FAF2: variants seen among roughly 807,000 people sequenced by gnomAD.
FAF2 encodes the protein FAS-associated factor 2.
In FAF2, 9 loss-of-function variants were observed where a neutral mutation model predicts 62.3. The ratio of observed to expected loss-of-function variants is 0.14; its 90% confidence interval spans 0.09 to 0.25. FAF2 has a LOEUF of 0.25. Among genes scored for constraint, FAF2 ranks in the 10% least tolerant of loss-of-function variants. FAF2 has a pLI of 1.00. For synonymous variants in FAF2, 202 were observed against 198.0 expected (o/e 1.02, Z -0.17); for missense variants, 368 against 556.2 (o/e 0.66, Z 3.40).
In FAF2 at chr5:176,461,768, T is replaced by C. The variant is rs114213997; in HGVS notation, c.63+13298T>C. On this transcript the variant is annotated intron_variant, in intron 1 of 10. Coordinates refer to ENST00000261942, the MANE Select transcript of FAF2 (RefSeq NM_014613.3). ...CCATTTTGTCTGTTTACTCTGTTGA[T>C]AGTTTCTTTTACTGTGTAGAAGCTC... is the stretch of plus-strand genomic sequence containing the variant. Among the ~76,000 whole-genome samples the C allele has an allele frequency of 9.7e-3, 1,482 of 152,276 alleles. 13 individuals are homozygous for C. The highest frequency in any genetic ancestry group is 0.015 in the Non-Finnish European group (1,008 of 68,026).
chr5:176,467,162 G>C (rs1321296799), intron 1 of FAF2, among the ~76,000 whole-genome samples: 1 of 72,478 alleles, frequency 1.4e-5, no homozygotes, highest in Non-Finnish European at 2.5e-5. Context: ...TTGGTCACTT[G>C]TCTGTCCCAG....
intron 1 of FAF2, among the ~76,000 whole-genome samples, chr5:176,459,199 A>T (rs1261752107): frequency 6.7e-6 from 1 of 149,558 alleles, no homozygotes; most frequent in Non-Finnish European, 1.5e-5. Flanking sequence ...TTCCAACAGC[A>T]TTAAGTATCC....
chr5:176,492,454 C>T (rs574102227), intron 5 of FAF2, 122 bp downstream of exon 5: 3 of 1,064,846 alleles, frequency 2.8e-6, no homozygotes, highest in East Asian at 5.7e-5. Flanking sequence ...CTCTTCACTG[C>T]TTATAGGGGT....
At chr5:176,483,783 T>C (rs1308936841) in intron 2 of FAF2, among the ~76,000 whole-genome samples, 4 of 152,182 alleles carry the variant, frequency 2.6e-5, no homozygotes, top group African/African-American at 4.8e-5. Flanking sequence ...AAGAGACAAA[T>C]AGGGCAGAGT....
At chr5:176,463,762 C>T (rs1758420776) in intron 1 of FAF2, among the ~76,000 whole-genome samples, 3 of 139,300 alleles carry the variant, frequency 2.2e-5, no homozygotes, top group African/African-American at 8.1e-5. Context: ...CAGAGTCTTG[C>T]TGTGTTTCCC....
At chr5:176,501,261 T>A (rs562025491) in intron 10 of FAF2, among the ~76,000 whole-genome samples, 1 of 152,248 alleles carries the variant, frequency 6.6e-6, no homozygotes, top group Admixed American at 6.5e-5. Flanking sequence ...CAAAAGAAAA[T>A]TTATTTAAAC....
In FAF2 at chr5:176,460,666, T is replaced by A. The variant is rs140048964; in HGVS notation, c.63+12196T>A. On this transcript the variant is annotated intron_variant, in intron 1 of 10. Transcript: ENST00000261942. ...CCCTGTAAATGTCTTTTGAGAAGTG[T>A]CTGAGGCGGGTGTGATGGCTCACGC... is the stretch of plus-strand genomic sequence containing the variant. 1.4e-3 allele frequency among the ~76,000 whole-genome samples: 212 copies of A among 152,044 alleles called. 1 individual carries two copies. Among genetic ancestry groups the A allele is most frequent in the Middle Eastern group, 6.8e-3 (2 of 294 alleles).
chr5:176,497,732 C>G lies in FAF2; in HGVS notation c.839+1069C>G, dbSNP rs188366027. Among the ~76,000 whole-genome samples the G allele has an allele frequency of 8.4e-4, 128 of 152,236 alleles. 1 individual carries two copies. Among genetic ancestry groups the G allele is most frequent in the East Asian group, 1.9e-4 (1 of 5,188 alleles). On this transcript the variant is annotated intron_variant, in intron 8 of 10. Transcript: ENST00000261942. ...AAGTGCAGTTTCTGGGTGAGACAAT[C>G]AATATAAGTATATTTTAAGGCTCTT...
At chr5:176,475,747 G>C (rs1475249139) in intron 1 of FAF2, among the ~76,000 whole-genome samples, 3 of 151,242 alleles carry the variant, frequency 2.0e-5, no homozygotes, top group Non-Finnish European at 4.4e-5. Flanking sequence ...CAGCCTGGGG[G>C]ACAAGAGCGA....
intron 10 of FAF2, 143 bp from the exon 11 acceptor site, chr5:176,506,625 G>C: frequency 1.5e-6 from 1 of 654,164 alleles, no homozygotes; most frequent in East Asian, 2.7e-5. Context: ...TAGAATTCCA[G>C]TGTAATGTGA....
intron 1 of FAF2, among the ~76,000 whole-genome samples, chr5:176,455,661 A>G (rs1459345752): frequency 6.6e-6 from 1 of 151,844 alleles, no homozygotes; most frequent in African/African-American, 2.4e-5. Context: ...AGGCAGGAGA[A>G]TTGCTTGAAC....
At chr5:176,459,537 G>A (rs1381461024) in intron 1 of FAF2, among the ~76,000 whole-genome samples, 1 of 151,966 alleles carries the variant, frequency 6.6e-6, no homozygotes, top group African/African-American at 2.4e-5. Flanking sequence ...TTGTTTGTTT[G>A]TTTTTTGAGC....
At chr5:176,453,846 G>A (rs746626599) in intron 1 of FAF2, 3 of 151,358 alleles carry the variant, frequency 2.0e-5, no homozygotes, top group African/African-American at 7.3e-5. Context: ...ACGAGGTCAG[G>A]AGTTCAAGAC....
Position 176,499,573 on chromosome 5 carries a change from C to T in FAF2, c.1012-430C>T, listed in dbSNP as rs189937437. 2.3e-3 allele frequency among the ~76,000 whole-genome samples: 342 copies of T among 151,424 alleles called. 1 individual carries two copies. Among genetic ancestry groups the T allele is most frequent in the African/African-American group, 7.7e-3 (317 of 41,368 alleles). The stretch of plus-strand genomic sequence containing the variant: ...ATTATCTTATTTGATTATGTATTAC[C>T]GCTTACCTATAACCAGTGTCTTTTA... On this transcript the variant is annotated intron_variant, in intron 9 of 10. Transcript: ENST00000261942.
intron 2 of FAF2, among the ~76,000 whole-genome samples, chr5:176,484,242 G>A (rs1024380617): frequency 5.9e-5 from 9 of 152,102 alleles, no homozygotes; most frequent in Non-Finnish European, 1.2e-4. Context: ...CACATTCTGT[G>A]GTTTCAGTTA....
At chr5:176,479,610 A>G (rs1049612442) in intron 2 of FAF2, among the ~76,000 whole-genome samples, 22 of 151,612 alleles carry the variant, frequency 1.5e-4, no homozygotes, top group African/African-American at 5.3e-4. Flanking sequence ...GTTCTCTGCA[A>G]CTCTTCTCCT....
chr5:176,452,205 C>G (rs1286959215), intron 1 of FAF2, among the ~76,000 whole-genome samples: 1 of 151,750 alleles, frequency 6.6e-6, no homozygotes, highest in African/African-American at 2.4e-5. Flanking sequence ...TTACAAGTGC[C>G]TGCCACCATG....
intron 9 of FAF2, among the ~76,000 whole-genome samples, chr5:176,499,481 C>T (rs999806164): frequency 6.6e-6 from 1 of 152,008 alleles, no homozygotes; most frequent in Non-Finnish European, 1.5e-5. Context: ...TACTCATTAT[C>T]TTTTTGTTTT....
At chr5:176,500,247 T>A in intron 10 of FAF2, 101 bp downstream of exon 10, 1 of 1,164,612 alleles carries the variant, frequency 8.6e-7, no homozygotes, top group Non-Finnish European at 1.2e-6. Flanking sequence ...TCTGCTGCTC[T>A]GATGAACAGG....
Sources: gnomAD v4.1 joint callset for allele counts (sites outside exome capture counted in the v4.1 genomes callset) on GRCh38, gnomAD v4.1.1 for gene constraint, MANE v1.5 for transcripts, NCBI Gene and HGNC (gene_info 2026-07-23, HGNC 2026-07-21) for gene names.